POLQ: variants seen among roughly 807,000 people sequenced by gnomAD.
POLQ encodes epididymis secretory sperm binding protein.
In POLQ, 233 loss-of-function variants were observed where a neutral mutation model predicts 259.2. The observed-to-expected ratio is 0.90, with a 90% CI of 0.81 to 1.00. The LOEUF is 1.00. Ranked by LOEUF, POLQ falls within the 50% of genes least tolerant of loss-of-function variation. The probability of loss-of-function intolerance (pLI) is 0.00; values close to 1 mark genes in which losing one functional copy is unlikely to be tolerated. For missense variants in POLQ, 2,871 were observed against 3,051.6 expected (o/e 0.94, Z 1.39); for synonymous variants, 1,025 against 1,048.8 (o/e 0.98, Z 0.44).
intron 9 of POLQ, among the ~76,000 whole-genome samples, chr3:121,514,294 C>G (rs2048278381): frequency 7.0e-6 from 1 of 143,490 alleles, no homozygotes; most frequent in Non-Finnish European, 1.5e-5. Flanking sequence ...CGCCATCGCA[C>G]TACAGCCTGG....
chr3:121,444,589 T>C (rs2047618176), intron 26 of POLQ, among the ~76,000 whole-genome samples: 1 of 152,204 alleles, frequency 6.6e-6, no homozygotes, highest in African/African-American at 2.4e-5. Flanking sequence ...CCTTTATTTC[T>C]TTCTCTTATC....
intron 10 of POLQ, 147 bp downstream of exon 10, chr3:121,511,740 T>C: frequency 3.4e-6 from 2 of 589,140 alleles, no homozygotes; most frequent in South Asian, 5.2e-5. Context: ...ATCATGCCAT[T>C]GTACTCCGGC....
chr3:121,465,682 G>A (rs1004040909), intron 24 of POLQ, among the ~76,000 whole-genome samples: 4 of 152,070 alleles, frequency 2.6e-5, no homozygotes, highest in African/African-American at 9.7e-5. Context: ...GGTGATCTTT[G>A]ATATTACTAT....
In POLQ at chr3:121,498,589, T is replaced by C; in HGVS notation, c.2041A>G (p.Lys681Glu). The stretch of plus-strand genomic sequence containing the variant: ...ACTCCCACTAGCTCTGCCACCCTTT[T>C]CATTGAAGTTGGCAACTTCTCCCAT... Reference protein sequence around the residue: ...CLWEKLPTSMKRVAELVGVEE... With the variant: ...CLWEKLPTSMERVAELVGVEE... Residue 681 changes from lysine (K) to glutamate (E), a missense_variant, in exon 13 of 30, where the codon AAA becomes GAA. Lys to Glu is a moderately conservative substitution (Grantham distance 56). This residue lies in a region of POLQ where 783 missense variants were observed against 906.2 expected (regional missense o/e 0.86). Transcript: ENST00000264233. 2.5e-6 allele frequency: 4 copies of C among 1,613,884 alleles called. No homozygotes were observed. The highest frequency in any genetic ancestry group is 3.4e-6 in the Non-Finnish European group (4 of 1,179,736).
At position 121,545,765 on chromosome 3, in the gene POLQ, A is replaced by G. The variant is rs1316050294; in HGVS notation, c.113T>C (p.Val38Ala). ...ACCAAGGCCGGGCGGCGGGCTCAGC[A>G]CGGACCCGGAGAGGAACTGGGGGCT... The part of the protein sequence containing the change: ...SASPQFLSGS[V>A]LSPPPGLGRC... Residue 38 changes from valine to alanine, a missense_variant, in exon 1 of 30, where the codon GTG (valine) becomes GCG (alanine). By Grantham distance (64) the Val-to-Ala change is moderately conservative (BLOSUM62 0). Around this residue, in one of 3 missense-constraint regions of POLQ, gnomAD observed 783 missense variants for 906.2 expected, o/e 0.86. Coordinates refer to ENST00000264233, the MANE Select transcript of POLQ (RefSeq NM_199420.4). 6.2e-7 allele frequency: 1 copy of G among 1,604,780 alleles called. No homozygotes were observed. The highest frequency in any genetic ancestry group is 8.5e-7 in the Non-Finnish European group (1 of 1,175,992).
chr3:121,444,231 G>T (rs1023426463), intron 26 of POLQ, among the ~76,000 whole-genome samples: 1 of 151,894 alleles, frequency 6.6e-6, no homozygotes, highest in Admixed American at 6.6e-5. Flanking sequence ...CTATGAACAT[G>T]GAATATTTTT....
chr3:121,451,992 G>A (rs1031017274), intron 25 of POLQ, among the ~76,000 whole-genome samples: 4 of 150,614 alleles, frequency 2.7e-5, no homozygotes, highest in Non-Finnish European at 6.0e-5. Context: ...ACTGGCGGGC[G>A]CCCCTCCCCC....
intron 1 of POLQ, 21 bp from the exon 2 acceptor site, chr3:121,544,927 T>A (rs2048519618): frequency 6.7e-7 from 1 of 1,487,144 alleles, no homozygotes; most frequent in East Asian, 2.3e-5. Flanking sequence ...AAAGAAAAAA[T>A]TAAAATTTAA....
chr3:121,510,326 C>T lies in POLQ; in HGVS notation c.1612-83G>A. The T allele has an allele frequency of 6.4e-6, 6 of 939,530 alleles. No individual in the cohort carries two copies. The South Asian group carries it at 8.8e-5, about 14-fold the overall frequency. The allele number at this position is 939,530 out of a possible 1,614,324, so 58.2% of individuals were successfully genotyped here. A position where few individuals can be genotyped will look rare whatever the true frequency, so the allele number is the denominator to read the frequency against. The stretch of plus-strand genomic sequence containing the variant: ...GGCGCGGTGGCTCATGCCTGTAATC[C>T]CAGCACTTTGGGAGTCCGAGGCGGG... On this transcript the variant is annotated intron_variant, in intron 10 of 29. Transcript: ENST00000264233.
intron 12 of POLQ, among the ~76,000 whole-genome samples, chr3:121,508,534 GC>G: frequency 6.6e-6 from 1 of 152,142 alleles, no homozygotes; most frequent in Non-Finnish European, 1.5e-5. Flanking sequence ...TGATCCTAGA[GC>G]CCACAATCTC....
intron 25 of POLQ, among the ~76,000 whole-genome samples, chr3:121,453,951 G>A (rs1053620617): frequency 2.0e-5 from 3 of 152,188 alleles, no homozygotes; most frequent in African/African-American, 7.2e-5. Flanking sequence ...AAGTTGAAAT[G>A]AAGGAAAAAA....
At chr3:121,523,140 T>C (rs2048349407) in intron 7 of POLQ, among the ~76,000 whole-genome samples, 1 of 151,902 alleles carries the variant, frequency 6.6e-6, no homozygotes, top group Non-Finnish European at 1.5e-5. Context: ...CTCAGTCTCC[T>C]GGTTAGTTAG....
Position 121,489,075 on chromosome 3 carries a change from G to A in POLQ, c.3856C>T (p.Leu1286=). 1 of 1,613,462 alleles carries A rather than the reference G, an allele frequency of 6.2e-7. No homozygotes were observed. Residue 1286 remains leucine (L), a synonymous_variant, in exon 16 of 30, where the codon CTA becomes TTA. Coordinates refer to ENST00000264233, the MANE Select transcript of POLQ (RefSeq NM_199420.4). The stretch of plus-strand genomic sequence containing the variant: ...TTTTCTTGTAGTCTAGAAATATTTA[G>A]AAAATTCTCATGCTGGCCTTCTGAT... ...SKSEGQHENF[L]NISRLQEKTG...
At position 121,481,603 on chromosome 3, in the gene POLQ, G is replaced by T; in HGVS notation, c.6180C>A (p.Leu2060=). 6 of 1,610,414 alleles carry T rather than the reference G, an allele frequency of 3.7e-6. No homozygotes were observed. Among genetic ancestry groups the T allele is most frequent in the Non-Finnish European group, 5.1e-6 (6 of 1,178,034 alleles). ...GGTTTTCCTTCTGCAACAAAGAGTT[G>T]AGCTGATTCATAGAGTTGAAGATGA... ...SILIFNSMNQ[L]NSLLQKENLQ... Residue 2060 remains leucine (L), a synonymous_variant, in exon 19 of 30, where the codon CTC becomes CTA. Transcript: ENST00000264233.
intron 24 of POLQ, among the ~76,000 whole-genome samples, chr3:121,466,937 TGTATACTAACAGTTGGAATGATCTGCAA>T (rs2047842093): frequency 6.6e-6 from 1 of 152,150 alleles, no homozygotes; most frequent in Non-Finnish European, 1.5e-5. Context: ...AGAACAAATA[TGTATACTAACAGTTGGAATGATCTGCAA>T]GTTACATCAT....
At position 121,440,079 on chromosome 3, in the gene POLQ, A is replaced by G. The variant is rs761371798; in HGVS notation, c.7302T>C (p.Cys2434=). 1.8e-5 allele frequency: 29 copies of G among 1,608,072 alleles called. No individual in the cohort carries two copies. The highest frequency in any genetic ancestry group is 6.7e-5 in the Admixed American group (4 of 59,968). The change falls in exon 27 of 30, where the codon TGT becomes TGC. Residue 2434 remains cysteine (C), a synonymous_variant. Coordinates refer to ENST00000264233, the MANE Select transcript of POLQ (RefSeq NM_199420.4). ...NQFMTETVKN[C]KRDGFVQTIL... is the part of the protein sequence containing the mutation. Reference sequence around the variant, plus strand: ...TGGTCTGAACAAATCCGTCTCTTTTACAATTCTTCACTGTCTCTGTCATGA... The same window carrying G: ...TGGTCTGAACAAATCCGTCTCTTTTGCAATTCTTCACTGTCTCTGTCATGA...
intron 12 of POLQ, among the ~76,000 whole-genome samples, chr3:121,500,093 C>T (rs1157248337): frequency 6.6e-6 from 1 of 151,958 alleles, no homozygotes; most frequent in African/African-American, 2.4e-5. Context: ...TCAGCATGGG[C>T]AACATGGTGA....
intron 12 of POLQ, among the ~76,000 whole-genome samples, chr3:121,501,580 T>C (rs2048168402): frequency 7.7e-6 from 1 of 129,524 alleles, no homozygotes; most frequent in Non-Finnish European, 1.6e-5. Flanking sequence ...GAGAATGGCG[T>C]GAACCCGGGA....
chr3:121,489,825 T>A lies in POLQ; in HGVS notation c.3106A>T (p.Ser1036Cys). 1 of 1,612,246 alleles carries A rather than the reference T, an allele frequency of 6.2e-7. No individual in the cohort carries two copies. The highest frequency in any genetic ancestry group is 8.5e-7 in the Non-Finnish European group (1 of 1,179,622). ...APLNFNSEKM[S>C]RSFRSWKRRK... ...CGTTTCCAAGATCGAAAACTTCTGC[T>A]CATCTTTTCTGAATTGAAATTCAAA... is the stretch of plus-strand genomic sequence containing the variant. The change falls in exon 16 of 30, where the codon AGC becomes TGC. Residue 1036 changes from serine to cysteine, a missense_variant. Coordinates refer to ENST00000264233, the MANE Select transcript of POLQ (RefSeq NM_199420.4).
Sources: gnomAD v4.1 joint callset for allele counts (sites outside exome capture counted in the v4.1 genomes callset) on GRCh38, gnomAD v4.1.1 for gene constraint, gnomAD v4.1.1 regional missense constraint, MANE v1.5 for transcripts, NCBI Gene and HGNC (gene_info 2026-07-23, HGNC 2026-07-21) for gene names.